The following XKR6 variants were observed in gnomAD, a reference collection of about 807,000 sequenced individuals.
The protein encoded by XKR6 is XK related 6.
Under a neutral mutation model 56.7 loss-of-function variants are expected in XKR6, and 22 were observed. The observed-to-expected ratio is 0.39, with a 90% CI of 0.28 to 0.55. The LOEUF (loss-of-function observed/expected upper bound fraction) is 0.55. Among genes scored for constraint, XKR6 ranks in the 20% least tolerant of loss-of-function variants. The pLI is 0.66. For synonymous variants in XKR6, 524 were observed against 387.8 expected (o/e 1.35, Z -4.13); for missense variants, 852 against 889.0 (o/e 0.96, Z 0.53).
At chr8:11,156,503 T>C (rs1029497311) in intron 1 of XKR6, among the ~76,000 whole-genome samples, 2 of 152,174 alleles carry the variant, frequency 1.3e-5, no homozygotes, top group African/African-American at 2.4e-5. Context: ...ACACCTAAAA[T>C]TGCAGGCAGT....
intron 1 of XKR6, among the ~76,000 whole-genome samples, chr8:11,010,382 G>A (rs572500562): frequency 6.6e-5 from 10 of 152,252 alleles, no homozygotes; most frequent in Admixed American, 6.5e-4. Context: ...AGTAAAAACT[G>A]GTCCCAGGCA....
At chr8:10,975,565 C>T (rs998647118) in intron 1 of XKR6, among the ~76,000 whole-genome samples, 3 of 152,336 alleles carry the variant, frequency 2.0e-5, no homozygotes, top group Admixed American at 1.3e-4. Context: ...TGCTGGGGCC[C>T]ACGCCACTGC....
chr8:11,132,342 ACTTT>A (rs892932612), intron 1 of XKR6, among the ~76,000 whole-genome samples: 6 of 151,844 alleles, frequency 4.0e-5, no homozygotes, highest in East Asian at 3.9e-4. Flanking sequence ...TAAATAACTT[ACTTT>A]CTTTCTTTTT....
chr8:11,105,429 G>T (rs1214791873), intron 1 of XKR6: 1 of 152,144 alleles, frequency 6.6e-6, no homozygotes, highest in East Asian at 1.9e-4. Flanking sequence ...GAACTGCGGG[G>T]GCTCCTGGTG....
chr8:10,902,166 G>T (rs1220784228), intron 2 of XKR6, among the ~76,000 whole-genome samples: 2 of 152,192 alleles, frequency 1.3e-5, no homozygotes, highest in African/African-American at 4.8e-5. Flanking sequence ...CCTCAGTGTT[G>T]CAAGACATCA....
At chr8:11,058,169 C>T (rs982677807) in intron 1 of XKR6, among the ~76,000 whole-genome samples, 2 of 152,118 alleles carry the variant, frequency 1.3e-5, no homozygotes, top group Non-Finnish European at 2.9e-5. Flanking sequence ...ATCTTTAAGT[C>T]GGAATGGGTG....
At chr8:11,178,576 A>ATATATATATATATATATATATG (rs1266024257) in intron 1 of XKR6, among the ~76,000 whole-genome samples, 2 of 135,952 alleles carry the variant, frequency 1.5e-5, no homozygotes, top group South Asian at 2.4e-4. Context: ...ATATATATGT[A>ATATATATATATATATATATATG]TATATATATG....
chr8:10,935,127 G>A lies in XKR6; in HGVS notation c.765-10297C>T, dbSNP rs1183145155. On this transcript the variant is annotated intron_variant, in intron 1 of 2. Coordinates refer to ENST00000416569, the MANE Select transcript of XKR6 (RefSeq NM_173683.4). ...TCAACTTCTTCCTGGTTTAGTCTTG[G>A]GAGAGTGTATGTGTCGAGGAATTTA... Among the ~76,000 whole-genome samples, 3 of 89,346 alleles carry A rather than the reference G, an allele frequency of 3.4e-5. 1 individual carries two copies. The highest frequency in any genetic ancestry group is 7.0e-5 in the Non-Finnish European group (3 of 43,090). 58.6% of individuals were successfully genotyped at this position (89,346 alleles called of 152,430 possible).
At chr8:11,089,128 G>C (rs1586529291) in intron 1 of XKR6, among the ~76,000 whole-genome samples, 2 of 152,148 alleles carry the variant, frequency 1.3e-5, no homozygotes, top group East Asian at 3.9e-4. Context: ...TGGAACATCA[G>C]GTCCACTGGA....
At chr8:11,187,744 A>T (rs762634586) in intron 1 of XKR6, among the ~76,000 whole-genome samples, 1 of 152,154 alleles carries the variant, frequency 6.6e-6, no homozygotes, top group Non-Finnish European at 1.5e-5. Context: ...CCATCACTCA[A>T]TGATGGTGTG....
chr8:10,935,858 G>GA (rs1352252586), intron 1 of XKR6, among the ~76,000 whole-genome samples: 3 of 130,610 alleles, frequency 2.3e-5, no homozygotes, highest in Non-Finnish European at 3.3e-5. Context: ...GTGTGGTGCT[G>GA]AAAAAAATGT....
intron 1 of XKR6, among the ~76,000 whole-genome samples, chr8:11,016,001 G>C (rs1798611059): frequency 6.7e-6 from 1 of 150,354 alleles, no homozygotes; most frequent in South Asian, 2.1e-4. Flanking sequence ...GATCCGGCTC[G>C]GTTTGGTCAG....
At chr8:11,053,845 G>T (rs1448965461) in intron 1 of XKR6, among the ~76,000 whole-genome samples, 2 of 152,194 alleles carry the variant, frequency 1.3e-5, no homozygotes, top group East Asian at 3.8e-4. Context: ...GGGAAGAGAA[G>T]GCGAGATATT....
chr8:11,141,861 T>G (rs1450345962), intron 1 of XKR6, among the ~76,000 whole-genome samples: 1 of 151,742 alleles, frequency 6.6e-6, no homozygotes, highest in Non-Finnish European at 1.5e-5. Context: ...TTTGGTGGAG[T>G]AGGGAGCGGG....
At chr8:11,129,025 A>G in intron 1 of XKR6, 1 of 454,170 alleles carries the variant, frequency 2.2e-6, no homozygotes, top group Non-Finnish European at 4.4e-6. Flanking sequence ...AAACTTACAC[A>G]CAGTGAAATT....
intron 2 of XKR6, among the ~76,000 whole-genome samples, chr8:10,910,047 T>G (rs373586866): frequency 6.6e-6 from 1 of 152,012 alleles, no homozygotes; most frequent in African/African-American, 2.4e-5. Flanking sequence ...AGCAATGCAA[T>G]GATTCTTAAC....
intron 2 of XKR6, among the ~76,000 whole-genome samples, chr8:10,900,026 C>T (rs1221773740): frequency 6.6e-6 from 1 of 152,194 alleles, no homozygotes; most frequent in Non-Finnish European, 1.5e-5. Context: ...CCCCGTGCAT[C>T]AGTTCCACAG....
At chr8:11,039,319 G>T (rs1471973082) in intron 1 of XKR6, among the ~76,000 whole-genome samples, 2 of 152,216 alleles carry the variant, frequency 1.3e-5, no homozygotes, top group African/African-American at 4.8e-5. Context: ...GGGGATTGAG[G>T]CCCTGGGAAA....
chr8:10,899,320 G>A (rs1010568930), intron 2 of XKR6, among the ~76,000 whole-genome samples: 1 of 152,238 alleles, frequency 6.6e-6, no homozygotes, highest in African/African-American at 2.4e-5. Flanking sequence ...TGCTCTCAGA[G>A]AAGCCCACAG....
Sources: gnomAD v4.1 joint callset for allele counts (sites outside exome capture counted in the v4.1 genomes callset) on GRCh38, gnomAD v4.1.1 for gene constraint, MANE v1.5 for transcripts, NCBI Gene and HGNC (gene_info 2026-07-23, HGNC 2026-07-21) for gene names.